The following COPS9 variants were observed in gnomAD, a reference collection of about 807,000 sequenced individuals.
COPS9 encodes the protein COP9 signalosome subunit 9.
Under a neutral mutation model 7.2 loss-of-function variants are expected in COPS9, and 8 were observed. The ratio of observed to expected loss-of-function variants is 1.11; its 90% CI spans 0.65 to 2.00. The LOEUF (loss-of-function observed/expected upper bound fraction) is 2.00. Among genes scored for constraint, COPS9 ranks in the 30% most tolerant of loss-of-function variants. The pLI is 0.00. For synonymous variants in COPS9, 39 were observed against 28.7 expected, an observed-to-expected ratio of 1.36 and a Z score of -1.14; for missense variants, 74 against 77.7, an observed-to-expected ratio of 0.95 and a Z score of 0.18.
At chr2:240,126,867 G>A (rs115965739), downstream of COPS9, 64 of 1,614,038 alleles carry the variant, frequency 4.0e-5, no homozygotes, top group African/African-American at 2.4e-4. Context: ...TAGCGCCTCC[G>A]CCCCCTGCCC....
At chr2:240,127,957 C>T (rs1239149857), downstream of COPS9, among the ~76,000 whole-genome samples, 1 of 152,092 alleles carries the variant, frequency 6.6e-6, no homozygotes, top group African/African-American at 2.4e-5. Context: ...AAAAATCACC[C>T]AGGAACCATT....
chr2:240,135,379 A>G (rs905631420), intron 1 of COPS9, among the ~76,000 whole-genome samples: 1 of 152,052 alleles, frequency 6.6e-6, no homozygotes, highest in African/African-American at 2.4e-5. Flanking sequence ...TCGGCTTTCT[A>G]TGACACCTGG....
rs1559480164 is a variant in COPS9, at chr2:240,133,936, T to TA, written c.132dup (p.Asn45Ter). ...ATCCCATTCCAAGCATCCTTACCGT[T>TA]AAAAAAGTCTGCATGAACGGCCTTT... On this transcript the variant is annotated frameshift_variant, in exon 2 of 3. Transcript: ENST00000607357. LOFTEE classifies it high-confidence loss of function. The TA allele has an allele frequency of 6.2e-7, 1 of 1,614,078 alleles. No homozygotes were observed. The highest frequency in any genetic ancestry group is 8.5e-7 in the Non-Finnish European group (1 of 1,179,960).
chr2:240,136,106 G>T, intron 1 of COPS9, 116 bp downstream of exon 1: 4 of 1,313,220 alleles, frequency 3.0e-6, no homozygotes, highest in Non-Finnish European at 3.9e-6. Context: ...TGGGAGCCGC[G>T]CCCATCGCCC....
chr2:240,128,763 C>T (rs2071891633), downstream of COPS9, among the ~76,000 whole-genome samples: 1 of 152,224 alleles, frequency 6.6e-6, no homozygotes, highest in South Asian at 2.1e-4. Context: ...ATCACTCTTC[C>T]TGACAGCCTC....
In COPS9 at chr2:240,134,067, C is replaced by G. The variant is rs368987448; in HGVS notation, c.64-62G>C. ...TTTCCGAAAGAACAGGTGATAAGTG[C>G]ATTGCAGGGCCACTACCCCCACAAA... is the stretch of plus-strand genomic sequence containing the variant. On this transcript the variant is annotated intron_variant, in intron 1 of 2. Transcript: ENST00000607357. 46 of 1,471,306 alleles carry G rather than the reference C, an allele frequency of 3.1e-5. No homozygotes were observed. In the African/African-American group the frequency reaches 5.8e-4, roughly 19 times the overall value. The allele number at this position is 1,471,306 out of a possible 1,614,324, so 91.1% of individuals were successfully genotyped here. A position where few individuals can be genotyped will look rare whatever the true frequency, so the allele number is the denominator to read the frequency against.
chr2:240,135,016 G>A (rs1055099822), intron 1 of COPS9, among the ~76,000 whole-genome samples: 1 of 151,860 alleles, frequency 6.6e-6, no homozygotes, highest in Non-Finnish European at 1.5e-5. Flanking sequence ...CTGTAAAACA[G>A]GACTGAGAAG....
chr2:240,128,695 T>C (rs1574945525), downstream of COPS9, among the ~76,000 whole-genome samples: 1 of 151,994 alleles, frequency 6.6e-6, no homozygotes, highest in African/African-American at 2.4e-5. Context: ...ATGGCTGGAG[T>C]TTTGCCACGG....
chr2:240,133,937 A>T lies in COPS9; in HGVS notation c.132T>A (p.Phe44Leu), dbSNP rs1169909075. 1.2e-6 allele frequency: 2 copies of T among 1,613,684 alleles called. No homozygotes were observed. Among genetic ancestry groups the T allele is most frequent in the Non-Finnish European group, 8.5e-7 (1 of 1,179,708 alleles). Residue 44 changes from phenylalanine to leucine, a missense_variant, in exon 2 of 3, where the codon TTT becomes TTA. Phe to Leu is a conservative substitution (Grantham distance 22, BLOSUM62 0). Transcript: ENST00000607357. ...ANEKAVHADF[F>L]NDFEDLFDDD... Reference sequence around the variant, plus strand: ...TCCCATTCCAAGCATCCTTACCGTTAAAAAAGTCTGCATGAACGGCCTTTT... The same window carrying T: ...TCCCATTCCAAGCATCCTTACCGTTTAAAAAGTCTGCATGAACGGCCTTTT...
intron 1 of COPS9, 101 bp downstream of exon 1, chr2:240,136,121 G>GCCACCCCCCCC: frequency 1.8e-6 from 1 of 566,410 alleles, no homozygotes; most frequent in Non-Finnish European, 2.5e-6. Flanking sequence ...TCGCCCACCC[G>GCCACCCCCCCC]CCCGGCCTCC....
downstream of COPS9, among the ~76,000 whole-genome samples, chr2:240,129,565 T>A (rs1432031904): frequency 1.3e-5 from 2 of 152,154 alleles, no homozygotes; most frequent in Non-Finnish European, 2.9e-5. Context: ...TACCACTGTG[T>A]ACTGCAGGCC....
chr2:240,130,500 G>C (rs1268472794), downstream of COPS9, among the ~76,000 whole-genome samples: 3 of 152,224 alleles, frequency 2.0e-5, no homozygotes, highest in South Asian at 2.1e-4. Flanking sequence ...TTAAGCCTAG[G>C]GGCAGCTGCC....
downstream of COPS9, chr2:240,126,591 G>T (rs766871087): frequency 6.2e-7 from 1 of 1,614,120 alleles, no homozygotes; most frequent in Admixed American, 1.7e-5. Context: ...TGGCTGTGTG[G>T]TCTTCTTCCC....
At chr2:240,129,823 G>A (rs557521240), downstream of COPS9, 13 of 1,182,398 alleles carry the variant, frequency 1.1e-5, no homozygotes, top group East Asian at 3.0e-4. Context: ...CTCCTCGCCT[G>A]CAGATAAGCC....
downstream of COPS9, chr2:240,126,713 G>A (rs764405406): frequency 6.2e-7 from 1 of 1,614,156 alleles, no homozygotes; most frequent in South Asian, 1.1e-5. Flanking sequence ...TGCTTCTTGT[G>A]GTTCTGAGCA....
chr2:240,129,851 A>G, downstream of COPS9: 1 of 1,477,008 alleles, frequency 6.8e-7, no homozygotes, highest in Non-Finnish European at 9.3e-7. Flanking sequence ...TCTCAGAAAC[A>G]AAGCGGCAGC....
downstream of COPS9, chr2:240,126,612 C>T (rs1269812251): frequency 9.3e-6 from 15 of 1,614,208 alleles, no homozygotes; most frequent in Non-Finnish European, 1.1e-5. Flanking sequence ...TTCTTCTCCA[C>T]CAGCAACGGA....
At chr2:240,130,754 A>G (rs907821555), downstream of COPS9, 4 of 1,284,238 alleles carry the variant, frequency 3.1e-6, no homozygotes, top group Non-Finnish European at 4.0e-6. Context: ...ACATGCATGC[A>G]CACACAAACA....
At chr2:240,130,576 G>A (rs543111255), downstream of COPS9, among the ~76,000 whole-genome samples, 1 of 152,358 alleles carries the variant, frequency 6.6e-6, no homozygotes, top group African/African-American at 2.4e-5. Flanking sequence ...GTGGGAACCT[G>A]CCCACACAGC....
Sources: gnomAD v4.1 joint callset for allele counts (sites outside exome capture counted in the v4.1 genomes callset) on GRCh38, gnomAD v4.1.1 for gene constraint, MANE v1.5 for transcripts, NCBI Gene and HGNC (gene_info 2026-07-23, HGNC 2026-07-21) for gene names.